The following CLASP2 variants were observed in gnomAD, a reference collection of about 807,000 sequenced individuals.
CLASP2 encodes the protein CLIP-associating protein 2.
Under a neutral mutation model 194.4 loss-of-function variants are expected in CLASP2, and 47 were observed. That is an observed-to-expected ratio of 0.24 (90% CI 0.19 to 0.31). The LOEUF (loss-of-function observed/expected upper bound fraction) is 0.31. CLASP2 is among the 10% of genes least tolerant of loss of function. The pLI, the probability that CLASP2 is intolerant of heterozygous loss-of-function variation, is 1.00. For synonymous variants in CLASP2, 619 were observed against 633.5 expected, an observed-to-expected ratio of 0.98 and a Z score of 0.34; for missense variants, 1,445 against 1,823.6, an observed-to-expected ratio of 0.79 and a Z score of 3.78.
At chr3:33,546,414 C>T (rs540446560) in intron 30 of CLASP2, among the ~76,000 whole-genome samples, 6 of 152,204 alleles carry the variant, frequency 3.9e-5, no homozygotes, top group East Asian at 3.9e-4. Context: ...TCCTTTCTTG[C>T]GGTTTTAAAT....
At chr3:33,537,076 T>C (rs1439759178) in intron 33 of CLASP2, among the ~76,000 whole-genome samples, 4 of 152,134 alleles carry the variant, frequency 2.6e-5, no homozygotes, top group Admixed American at 2.6e-4. Context: ...AATGAAGACA[T>C]TGAAGCTTAG....
chr3:33,587,346 G>A (rs893890609), intron 21 of CLASP2, among the ~76,000 whole-genome samples: 7 of 152,028 alleles, frequency 4.6e-5, no homozygotes, highest in South Asian at 2.1e-4. Context: ...AGATGGTCTC[G>A]ATCTCCTGAC....
rs796335190 is a variant in CLASP2 at position 33,679,224 on chromosome 3, C to G, written c.644+5135G>C. 2.3e-4 allele frequency among the ~76,000 whole-genome samples: 35 copies of G among 152,150 alleles called. 1 individual carries two copies. Among genetic ancestry groups the G allele is most frequent in the African/African-American group, 7.7e-4 (32 of 41,508 alleles). Reference sequence around the variant, plus strand: ...ATCTAGATACAGACCTACATCCTTCCCAAAAATTAATTCAAATGGATCACA... The same window carrying G: ...ATCTAGATACAGACCTACATCCTTCGCAAAAATTAATTCAAATGGATCACA... On this transcript the variant is annotated intron_variant, in intron 6 of 38. Coordinates refer to ENST00000682230, the MANE Select transcript of CLASP2 (RefSeq NM_001365631.1).
intron 32 of CLASP2, among the ~76,000 whole-genome samples, chr3:33,539,617 G>A (rs1305261350): frequency 6.6e-6 from 1 of 152,106 alleles, no homozygotes; most frequent in Non-Finnish European, 1.5e-5. Context: ...TTACAGGCGT[G>A]AGCCACTGCG....
At chr3:33,509,742 C>A (rs1054541560) in intron 37 of CLASP2, among the ~76,000 whole-genome samples, 3 of 152,114 alleles carry the variant, frequency 2.0e-5, no homozygotes, top group African/African-American at 7.2e-5. Context: ...AAAGAGTTCA[C>A]AATGTATGGT....
intron 34 of CLASP2, among the ~76,000 whole-genome samples, chr3:33,529,039 C>T (rs1243159164): frequency 6.6e-6 from 1 of 151,962 alleles, no homozygotes; most frequent in Non-Finnish European, 1.5e-5. Context: ...ACAGCCAAAC[C>T]AAGAGTCAAA....
At chr3:33,650,807 G>A (rs186999344) in intron 7 of CLASP2, among the ~76,000 whole-genome samples, 1 of 152,100 alleles carries the variant, frequency 6.6e-6, no homozygotes, top group African/African-American at 2.4e-5. Flanking sequence ...AGAAAGAGAA[G>A]AGAAGGAAAA....
At chr3:33,506,377 CGAAAAAAAAAAAAAA>C (rs1335212770) in intron 37 of CLASP2, among the ~76,000 whole-genome samples, 4 of 61,876 alleles carry the variant, frequency 6.5e-5, no homozygotes, top group African/African-American at 1.1e-4. Context: ...GACTCTGTCT[CGAAAAAAAAAAAAAA>C]AAAAAAAAAA....
chr3:33,617,574 C>T (rs1461146664), intron 12 of CLASP2, among the ~76,000 whole-genome samples: 2 of 152,048 alleles, frequency 1.3e-5, no homozygotes, highest in East Asian at 3.9e-4. Context: ...AGTCTCAATA[C>T]ATAAAAATTT....
chr3:33,709,496 G>C (rs1486014214), intron 1 of CLASP2, among the ~76,000 whole-genome samples: 1 of 152,084 alleles, frequency 6.6e-6, no homozygotes, highest in Non-Finnish European at 1.5e-5. Flanking sequence ...TTATAAGGAG[G>C]AGGCCAAAAG....
intron 21 of CLASP2, among the ~76,000 whole-genome samples, chr3:33,586,319 G>C (rs1368392879): frequency 2.6e-5 from 4 of 152,008 alleles, no homozygotes; most frequent in Admixed American, 2.6e-4. Flanking sequence ...ATTTTTAGTA[G>C]AGACAGGATT....
At chr3:33,504,438 T>A (rs1028916003) in intron 37 of CLASP2, 2 of 152,218 alleles carry the variant, frequency 1.3e-5, no homozygotes, top group Admixed American at 1.3e-4. Context: ...TTTCCTTAAA[T>A]GCCTGGGGTC....
chr3:33,660,999 T>A (rs933030314), intron 7 of CLASP2, among the ~76,000 whole-genome samples: 2 of 152,218 alleles, frequency 1.3e-5, no homozygotes, highest in Non-Finnish European at 2.9e-5. Context: ...TTGTTACTTA[T>A]AAAAATTTGT....
intron 27 of CLASP2, among the ~76,000 whole-genome samples, chr3:33,562,150 C>T (rs67441181): frequency 6.6e-6 from 1 of 151,978 alleles, no homozygotes; most frequent in African/African-American, 2.4e-5. Context: ...GCTTAAGACG[C>T]TGTATACCTG....
chr3:33,614,081 A>G (rs1181656362), intron 12 of CLASP2, among the ~76,000 whole-genome samples: 1 of 152,368 alleles, frequency 6.6e-6, no homozygotes, highest in East Asian at 1.9e-4. Context: ...GAAATTAAGT[A>G]CAGCAATCTA....
intron 9 of CLASP2, among the ~76,000 whole-genome samples, chr3:33,630,605 CTT>C (rs1184411773): frequency 6.6e-6 from 1 of 151,738 alleles, no homozygotes; most frequent in East Asian, 1.9e-4. Flanking sequence ...TGAACGGACT[CTT>C]TAAAAATGGG....
At chr3:33,521,119 G>C (rs965661576) in intron 34 of CLASP2, among the ~76,000 whole-genome samples, 5 of 152,046 alleles carry the variant, frequency 3.3e-5, no homozygotes, top group Non-Finnish European at 5.9e-5. Context: ...AGGGCAATTT[G>C]AGCTTCAAAA....
At chr3:33,504,785 T>A (rs1170593124) in intron 37 of CLASP2, 1 of 152,230 alleles carries the variant, frequency 6.6e-6, no homozygotes, top group Non-Finnish European at 1.5e-5. Flanking sequence ...CAACTCACAA[T>A]AGGCTTCATA....
chr3:33,511,674 T>C (rs2049854442), intron 36 of CLASP2, among the ~76,000 whole-genome samples: 2 of 151,978 alleles, frequency 1.3e-5, no homozygotes, highest in Non-Finnish European at 2.9e-5. Flanking sequence ...CTTACCAGAG[T>C]CTGTAATCTC....
Sources: gnomAD v4.1 joint callset for allele counts (sites outside exome capture counted in the v4.1 genomes callset) on GRCh38, gnomAD v4.1.1 for gene constraint, MANE v1.5 for transcripts, NCBI Gene and HGNC (gene_info 2026-07-23, HGNC 2026-07-21) for gene names.